The following UBE2H variants were observed in gnomAD, a reference collection of about 807,000 sequenced individuals.
UBE2H encodes the protein ubiquitin-conjugating enzyme E2 H.
UBE2H carries 3 observed loss-of-function variants against 29.0 expected under a neutral mutation model. The ratio of observed to expected loss-of-function variants is 0.10; its 90% CI spans 0.05 to 0.27. The LOEUF (loss-of-function observed/expected upper bound fraction) is 0.27. Ranked by LOEUF, UBE2H falls within the 10% of genes least tolerant of loss-of-function variation. The pLI, the probability that UBE2H is intolerant of heterozygous loss-of-function variation, is 1.00. For synonymous variants in UBE2H, 69 were observed against 82.9 expected, an observed-to-expected ratio of 0.83 and a Z score of 0.91; for missense variants, 68 against 228.2, an observed-to-expected ratio of 0.30 and a Z score of 4.52.
intron 1 of UBE2H, among the ~76,000 whole-genome samples, chr7:129,920,706 C>CA (rs35207398): frequency 6.6e-6 from 1 of 150,964 alleles, no homozygotes; most frequent in Admixed American, 6.6e-5. Context: ...GTTATTACCT[C>CA]AAAAAAAAGT....
chr7:129,878,037 T>A (rs1009171191), intron 3 of UBE2H, among the ~76,000 whole-genome samples: 1 of 152,140 alleles, frequency 6.6e-6, no homozygotes, highest in African/African-American at 2.4e-5. Context: ...GGCTTTAAAG[T>A]CCTATCACTA....
chr7:129,871,577 G>C (rs1186188216), intron 3 of UBE2H, among the ~76,000 whole-genome samples: 3 of 152,158 alleles, frequency 2.0e-5, no homozygotes, highest in Non-Finnish European at 4.4e-5. Flanking sequence ...AGCTTGGCGT[G>C]TTGGCACATG....
chr7:129,892,191 C>T (rs756949220), intron 1 of UBE2H, among the ~76,000 whole-genome samples: 16 of 151,920 alleles, frequency 1.1e-4, no homozygotes, highest in Non-Finnish European at 2.2e-4. Context: ...TCTCGTGATC[C>T]GCCCGCCTCG....
At chr7:129,851,646 T>C (rs557801372) in intron 5 of UBE2H, among the ~76,000 whole-genome samples, 1 of 152,334 alleles carries the variant, frequency 6.6e-6, no homozygotes, top group Admixed American at 6.5e-5. Flanking sequence ...AAGTAGAGCA[T>C]AGCTGTGGCT....
chr7:129,858,965 C>G, intron 3 of UBE2H, 24 bp from the exon 4 acceptor site: 2 of 1,593,380 alleles, frequency 1.3e-6, no homozygotes, highest in Non-Finnish European at 8.6e-7. Context: ...TGTTAATTAG[C>G]AGCAAAAAGT....
At chr7:129,940,008 A>G (rs1035859338) in intron 1 of UBE2H, among the ~76,000 whole-genome samples, 2 of 152,086 alleles carry the variant, frequency 1.3e-5, no homozygotes, top group African/African-American at 4.8e-5. Flanking sequence ...CCAGATTACC[A>G]AAGTTATACT....
intron 1 of UBE2H, among the ~76,000 whole-genome samples, chr7:129,946,319 A>T (rs1807764680): frequency 6.6e-6 from 1 of 151,692 alleles, no homozygotes; most frequent in African/African-American, 2.4e-5. Context: ...TCAACCTCCC[A>T]AAGTGTTGGG....
intron 1 of UBE2H, among the ~76,000 whole-genome samples, chr7:129,935,360 C>T (rs547882229): frequency 1.3e-5 from 2 of 149,822 alleles, no homozygotes; most frequent in Non-Finnish European, 3.0e-5. Context: ...TCATAGTGAG[C>T]TGACATCACA....
intron 1 of UBE2H, among the ~76,000 whole-genome samples, chr7:129,925,462 T>A (rs906617102): frequency 3.3e-5 from 5 of 152,072 alleles, no homozygotes; most frequent in Admixed American, 6.5e-5. Flanking sequence ...GCCTATACAA[T>A]AATGCTCCCA....
chr7:129,836,879 CAAAAAAAAAAAAAAAA>C (rs61226846), intron 6 of UBE2H, among the ~76,000 whole-genome samples: 69 of 73,748 alleles, frequency 9.4e-4, no homozygotes, highest in Admixed American at 2.6e-3. Flanking sequence ...GACTCCGTCT[CAAAAAAAAAAAAAAAA>C]AAAAAAAAAA....
At chr7:129,926,996 T>A (rs1187430830) in intron 1 of UBE2H, among the ~76,000 whole-genome samples, 1 of 152,240 alleles carries the variant, frequency 6.6e-6, no homozygotes. Context: ...CTTGCTCATC[T>A]ATCTCCTGTC....
At chr7:129,940,942 AG>A (rs1450297757) in intron 1 of UBE2H, among the ~76,000 whole-genome samples, 3 of 152,200 alleles carry the variant, frequency 2.0e-5, no homozygotes, top group African/African-American at 7.2e-5. Flanking sequence ...ACTTCAGCAT[AG>A]AAAATAACAA....
At chr7:129,921,661 T>C (rs1266088655) in intron 1 of UBE2H, among the ~76,000 whole-genome samples, 2 of 134,126 alleles carry the variant, frequency 1.5e-5, no homozygotes, top group African/African-American at 2.8e-5. Context: ...ATCACGCCAC[T>C]GCATCTAGCC....
In UBE2H at chr7:129,859,707, T is replaced by C. The variant is rs997533316; in HGVS notation, c.206-766A>G. 5.3e-5 allele frequency among the ~76,000 whole-genome samples: 8 copies of C among 152,202 alleles called. No homozygotes were observed. In the East Asian group the frequency reaches 1.5e-3, roughly 29 times the overall value. On this transcript the variant is annotated intron_variant, in intron 3 of 6. Transcript: ENST00000355621. ...TTCAGTCAGTCAGTATATATGCAAA[T>C]GGCAATATTCTAAAGCAGAGATCCA...
intron 5 of UBE2H, among the ~76,000 whole-genome samples, chr7:129,839,899 G>A (rs377527901): frequency 5.3e-5 from 8 of 152,146 alleles, no homozygotes; most frequent in Admixed American, 1.3e-4. Flanking sequence ...TAGTAGAGAC[G>A]GGGTTTCACC....
intron 1 of UBE2H, among the ~76,000 whole-genome samples, chr7:129,913,776 C>T (rs1175962194): frequency 6.6e-6 from 1 of 152,072 alleles, no homozygotes; most frequent in African/African-American, 2.4e-5. Flanking sequence ...TGTACTCCAG[C>T]CTGAGCAAGA....
chr7:129,874,759 G>A (rs1806113966), intron 3 of UBE2H, among the ~76,000 whole-genome samples: 1 of 152,128 alleles, frequency 6.6e-6, no homozygotes. Context: ...AAGTGGAAGA[G>A]TCAGGCAGAA....
chr7:129,854,803 C>CA (rs1345807455), intron 5 of UBE2H, among the ~76,000 whole-genome samples: 1 of 151,896 alleles, frequency 6.6e-6, no homozygotes, highest in Non-Finnish European at 1.5e-5. Flanking sequence ...AGCAATAACC[C>CA]AAATGTCTAT....
intron 1 of UBE2H, among the ~76,000 whole-genome samples, chr7:129,938,631 G>A (rs866947260): frequency 6.6e-5 from 10 of 150,580 alleles, no homozygotes; most frequent in Admixed American, 6.6e-5. Flanking sequence ...GTTTGAACCC[G>A]GGAGGCGGAG....
Sources: allele counts gnomAD v4.1 joint callset (sites outside exome capture counted in the v4.1 genomes callset), GRCh38; gene constraint gnomAD v4.1.1; transcripts MANE v1.5; gene names NCBI Gene and HGNC (gene_info 2026-07-23, HGNC 2026-07-21).